Variants in FOXO3B observed in about 807,000 individuals in gnomAD.
FOXO3B encodes the protein forkhead box protein O3B.
FOXO3B carries 15 observed loss-of-function variants against 21.9 expected under a neutral mutation model. The ratio of observed to expected loss-of-function variants is 0.68; its 90% CI spans 0.46 to 1.05. FOXO3B has a LOEUF of 1.05. Ranked by LOEUF, FOXO3B falls within the 50% of genes least tolerant of loss-of-function variation. The pLI is 0.00. For synonymous variants in FOXO3B, 135 were observed against 213.6 expected (o/e 0.63, Z 3.21); for missense variants, 293 against 435.5 (o/e 0.67, Z 2.91).
rs555241138 is a variant in FOXO3B, at chr17:18,671,206, A to T, written c.*1103T>A. 1.0e-6 allele frequency: 1 copy of T among 971,186 alleles called. No individual in the cohort carries two copies. The highest frequency in any genetic ancestry group is 1.8e-5 in the Admixed American group (1 of 56,956). The allele number at this position is 971,186 out of a possible 1,614,324, so 60.2% of individuals were successfully genotyped here. On this transcript the variant is annotated 3_prime_UTR_variant, in exon 4 of 4. Coordinates refer to ENST00000395675, the MANE Select transcript of FOXO3B (RefSeq NM_001368135.1). The stretch of plus-strand genomic sequence containing the variant: ...GTTTGCATAGACTGGCTGACAGGAG[A>T]CTGCTGCTGGTGTTTGGCTGACCCA...
Position 18,672,893 on chromosome 17 carries a change from A to G in FOXO3B, c.289T>C (p.Ser97Pro). The G allele has an allele frequency of 6.4e-7, 1 of 1,560,176 alleles. No homozygotes were observed. Among genetic ancestry groups the G allele is most frequent in the East Asian group, 2.4e-5 (1 of 42,070 alleles). Residue 97 changes from serine to proline, a missense_variant, in exon 4 of 4, where the codon TCT becomes CCT. By Grantham distance (74) the Ser-to-Pro change is moderately conservative. Transcript: ENST00000395675. This position sits in a 1 kb window ranked among gnomAD's most constrained non-coding sequence, Gnocchi z 4.2. The stretch of plus-strand genomic sequence containing the variant: ...GGGTCCAGCTCCACTTCGAGCGGAG[A>G]AAGCGGGGCCGGGGAAGCCGGTGCC... The part of the protein sequence containing the change: ...AEAPASPAPL[S>P]PLEVELDPEF...
chr17:18,673,072 GAAGA>G lies in FOXO3B; in HGVS notation c.127-21_127-18del. ...CGCCGCCGCCTGGGGAAGCACGAGA[GAAGA>G]GAGAAGGAGAGTTGGTTATCCCCGG... is the stretch of plus-strand genomic sequence containing the variant. On this transcript the variant is annotated intron_variant, in intron 3 of 3. Coordinates refer to ENST00000395675, the MANE Select transcript of FOXO3B (RefSeq NM_001368135.1). 6.8e-7 allele frequency: 1 copy of G among 1,463,902 alleles called. No individual in the cohort carries two copies. Among genetic ancestry groups the G allele is most frequent in the East Asian group, 3.1e-5 (1 of 32,730 alleles). 90.7% of individuals were successfully genotyped at this position (1,463,902 alleles called of 1,614,324 possible).
At position 18,672,131 on chromosome 17, in the gene FOXO3B, G is replaced by A; in HGVS notation, c.*178C>T. On this transcript the variant is annotated 3_prime_UTR_variant, in exon 4 of 4. Transcript: ENST00000395675. The surrounding 1 kb of genome is among the most constrained non-coding windows in gnomAD (Gnocchi z 4.2). ...AGGGCTGCCTTCTTCTTGGCTGTGC[G>A]GCCACGGCTCTTGGTATACTTGTTG... 3.1e-6 allele frequency: 5 copies of A among 1,612,338 alleles called. No homozygotes were observed. Among genetic ancestry groups the A allele is most frequent in the Non-Finnish European group, 4.2e-6 (5 of 1,179,056 alleles).
chr17:18,671,655 C>A lies in FOXO3B; in HGVS notation c.*654G>T. The A allele has an allele frequency of 6.2e-7, 1 of 1,613,968 alleles. No homozygotes were observed. Among genetic ancestry groups the A allele is most frequent in the Non-Finnish European group, 8.5e-7 (1 of 1,180,036 alleles). On this transcript the variant is annotated 3_prime_UTR_variant, in exon 4 of 4. Coordinates refer to ENST00000395675, the MANE Select transcript of FOXO3B (RefSeq NM_001368135.1). Reference sequence around the variant, plus strand: ...GCTGTTAAAGGAGCTGGTTGGGGAGCTCAGGCCCGAGCCCTTGGTGGTATA... The same window carrying A: ...GCTGTTAAAGGAGCTGGTTGGGGAGATCAGGCCCGAGCCCTTGGTGGTATA...
rs566942787 is a variant in FOXO3B at position 18,672,007 on chromosome 17, G to A, written c.*302C>T. 332 of 1,611,810 alleles carry A rather than the reference G, an allele frequency of 2.1e-4. 1 individual carries two copies. The South Asian group carries it at 2.3e-3, about 11-fold the overall frequency. On this transcript the variant is annotated 3_prime_UTR_variant, in exon 4 of 4. Coordinates refer to ENST00000395675, the MANE Select transcript of FOXO3B (RefSeq NM_001368135.1). The surrounding 1 kb of genome is among the most constrained non-coding windows in gnomAD (Gnocchi z 4.2). ...AGAATTGGTGCGTGAACGGAAGTCC[G>A]TCCACGCATCCAGCTCATCACTGCT...
chr17:18,671,979 G>A lies in FOXO3B; in HGVS notation c.*330C>T. ...ACAGGCGGCCACTGACTGTGCTGGC[G>A]TTAGAATTGGTGCGTGAACGGAAGT... On this transcript the variant is annotated 3_prime_UTR_variant, in exon 4 of 4. Transcript: ENST00000395675. 4 of 1,612,848 alleles carry A rather than the reference G, an allele frequency of 2.5e-6. No homozygotes were observed. Among genetic ancestry groups the A allele is most frequent in the East Asian group, 2.2e-5 (1 of 44,856 alleles).
chr17:18,675,254 C>A (rs892751023), intron 3 of FOXO3B, among the ~76,000 whole-genome samples: 1 of 151,348 alleles, frequency 6.6e-6, no homozygotes, highest in African/African-American at 2.4e-5. Flanking sequence ...TTAAGCAGCA[C>A]TGAAAAGGCA....
intron 3 of FOXO3B, among the ~76,000 whole-genome samples, chr17:18,676,019 C>T (rs1050714261): frequency 1.3e-5 from 2 of 152,134 alleles, no homozygotes; most frequent in Non-Finnish European, 1.5e-5. Context: ...TGCAATGCTA[C>T]TTCTGTCATA....
intron 3 of FOXO3B, among the ~76,000 whole-genome samples, chr17:18,679,738 G>A (rs544585205): frequency 3.3e-5 from 5 of 151,448 alleles, no homozygotes; most frequent in East Asian, 1.9e-4. Flanking sequence ...ATGAGCCACC[G>A]TGCCCAGCCC....
rs1043302925 is a variant in FOXO3B at position 18,677,376 on chromosome 17, G to A, written c.126+3365C>T. ...CTTGGGCGCCAATGGCGAGATGTGCGTCAACGTGCTCAAGAGGGACTGGAC... is the reference window on the plus strand; with the variant it reads ...CTTGGGCGCCAATGGCGAGATGTGCATCAACGTGCTCAAGAGGGACTGGAC... On this transcript the variant is annotated intron_variant, in intron 3 of 3. Coordinates refer to ENST00000395675, the MANE Select transcript of FOXO3B (RefSeq NM_001368135.1). 1.0e-4 allele frequency: 165 copies of A among 1,613,730 alleles called. 1 individual carries two copies. The East Asian group carries it at 1.3e-3, about 12-fold the overall frequency.
rs1385635234 is a variant in FOXO3B at position 18,672,884 on chromosome 17, C to A, written c.298G>T (p.Glu100Ter). Residue 100 changes from glutamate to a stop codon, truncating the protein, a stop_gained, in exon 4 of 4, where the codon GAA becomes TAA. Coordinates refer to ENST00000395675, the MANE Select transcript of FOXO3B (RefSeq NM_001368135.1). LOFTEE classifies it high-confidence loss of function. This position sits in a 1 kb window ranked among gnomAD's most constrained non-coding sequence, Gnocchi z 4.2. ...TCGAACTCCGGGTCCAGCTCCACTT[C>A]GAGCGGAGAAAGCGGGGCCGGGGAA... ...PASPAPLSPL[E>*]VELDPEFEPQ... is the part of the protein sequence containing the mutation. 6.4e-7 allele frequency: 1 copy of A among 1,561,208 alleles called. No homozygotes were observed. The highest frequency in any genetic ancestry group is 2.4e-5 in the East Asian group (1 of 42,094).
intron 1 of FOXO3B, 77 bp from the exon 2 acceptor site, chr17:18,681,923 G>A (rs4924765): frequency 0.35 from 219,231 of 619,834 alleles, 19,439 homozygotes; most frequent in Admixed American, 0.4. Context: ...GTCCCTGGGG[G>A]AACCGGGCGC....
chr17:18,674,588 T>C (rs1246191994), intron 3 of FOXO3B, among the ~76,000 whole-genome samples: 1 of 128,762 alleles, frequency 7.8e-6, no homozygotes, highest in Non-Finnish European at 1.6e-5. Flanking sequence ...ATCGCACCAC[T>C]GCACTCCAGC....
chr17:18,674,641 G>T lies in FOXO3B; in HGVS notation c.127-1586C>A, dbSNP rs1051790420. Among the ~76,000 whole-genome samples, 35 of 137,964 alleles carry T rather than the reference G, an allele frequency of 2.5e-4. 1 individual carries two copies. The highest frequency in any genetic ancestry group is 1.0e-3 in the African/African-American group (33 of 31,918). 90.5% of individuals were successfully genotyped at this position (137,964 alleles called of 152,430 possible). ...ACTCCATCTCAAAAAAAAAAAAAAG[G>T]GGGGGGGGAGATTACAGACAAATGC... On this transcript the variant is annotated intron_variant, in intron 3 of 3. Coordinates refer to ENST00000395675, the MANE Select transcript of FOXO3B (RefSeq NM_001368135.1).
At position 18,669,984 on chromosome 17, in the gene FOXO3B, T is replaced by C. The variant is rs760938049; in HGVS notation, c.*2325A>G. On this transcript the variant is annotated 3_prime_UTR_variant, in exon 4 of 4. Transcript: ENST00000395675. ...AAACTAAACCCTTTTTGGGTGACATTTGGCAATGAGTGGAGAGCTGAGCTG... is the reference window on the plus strand; with the variant it reads ...AAACTAAACCCTTTTTGGGTGACATCTGGCAATGAGTGGAGAGCTGAGCTG... Among the ~76,000 whole-genome samples the C allele has an allele frequency of 1.3e-5, 2 of 148,832 alleles. No homozygotes were observed. Among genetic ancestry groups the C allele is most frequent in the African/African-American group, 5.1e-5 (2 of 39,448 alleles).
chr17:18,679,626 T>G (rs1226373494), intron 3 of FOXO3B, among the ~76,000 whole-genome samples: 21 of 151,836 alleles, frequency 1.4e-4, no homozygotes, highest in Admixed American at 1.3e-4. Context: ...TTTTGTATTT[T>G]AAGTAAAGAC....
chr17:18,681,966 T>C (rs1240786406), intron 1 of FOXO3B, 120 bp from the exon 2 acceptor site: 6 of 621,906 alleles, frequency 9.6e-6, no homozygotes, highest in Non-Finnish European at 1.7e-5. Context: ...ATCAGGAGTT[T>C]GGACAAATTC....
chr17:18,671,750 A>G lies in FOXO3B; in HGVS notation c.*559T>C. 6.2e-7 allele frequency: 1 copy of G among 1,613,656 alleles called. No homozygotes were observed. Among genetic ancestry groups the G allele is most frequent in the Admixed American group, 1.7e-5 (1 of 59,980 alleles). ...GCTGGGATGGCGGGAGCGTGATGTT[A>G]TCCAGCAGGTCGTCCATGAGGTTTT... On this transcript the variant is annotated 3_prime_UTR_variant, in exon 4 of 4. Coordinates refer to ENST00000395675, the MANE Select transcript of FOXO3B (RefSeq NM_001368135.1).
chr17:18,677,521 A>G (rs2032512899), intron 3 of FOXO3B: 1 of 1,613,238 alleles, frequency 6.2e-7, no homozygotes, highest in Non-Finnish European at 8.5e-7. Flanking sequence ...TACGAGGAGT[A>G]TGCGGCTCGG....
Sources: allele counts gnomAD v4.1 joint callset (sites outside exome capture counted in the v4.1 genomes callset), GRCh38; gene constraint gnomAD v4.1.1; non-coding constraint Gnocchi (gnomAD v3.1); transcripts MANE v1.5; gene names NCBI Gene and HGNC (gene_info 2026-07-23, HGNC 2026-07-21).